The following ARHGAP11A variants were observed in gnomAD, a reference collection of about 807,000 sequenced individuals.
The protein encoded by ARHGAP11A is rho GTPase-activating protein 11A.
ARHGAP11A carries 36 observed loss-of-function variants against 60.5 expected under a neutral mutation model. The observed-to-expected ratio is 0.59, with a 90% confidence interval of 0.46 to 0.79. The LOEUF (loss-of-function observed/expected upper bound fraction) is 0.79, where lower values mean the gene tolerates loss of function less well. ARHGAP11A is among the 30% of genes least tolerant of loss of function. ARHGAP11A has a pLI of 0.00. For synonymous variants in ARHGAP11A, 362 were observed against 415.5 expected (o/e 0.87, Z 1.57); for missense variants, 1,071 against 1,199.2 (o/e 0.89, Z 1.58).
At position 32,625,488 on chromosome 15, in the gene ARHGAP11A, G is replaced by T. The variant is rs140094689; in HGVS notation, c.717G>T (p.Gly239=). 3 of 1,613,766 alleles carry T rather than the reference G, an allele frequency of 1.9e-6. No homozygotes were observed. In the African/African-American group the frequency reaches 4.0e-5, roughly 22 times the overall value. The change falls in exon 6 of 12, where the codon GGG becomes GGT. Residue 239 remains glycine (G), a splice_region_variant and synonymous_variant. Transcript: ENST00000361627. ...TTACTTGTGAACATTTTCATTTAGG[G>T]CGTGTACCAGATTTTATCCTGGAAA... The part of the protein sequence containing the change: ...QTLIDYASDI[G]RVPDFILEKI...
intron 1 of ARHGAP11A, among the ~76,000 whole-genome samples, chr15:32,618,617 C>G (rs970287158): frequency 6.6e-6 from 1 of 152,146 alleles, no homozygotes; most frequent in Non-Finnish European, 1.5e-5. Context: ...GGTCACTCAG[C>G]TGTTAAGCAA....
rs190810969 is a variant in ARHGAP11A at position 32,638,104 on chromosome 15, T to C, written c.*259T>C. On this transcript the variant is annotated 3_prime_UTR_variant, in exon 12 of 12. Transcript: ENST00000361627. ...CTTAAAGCAGAGGTTAGACTTTACC[T>C]TTCTGACTCTGTCGTCCAGGCTGGA... The C allele has an allele frequency of 5.4e-6, 2 of 367,200 alleles. No individual in the cohort carries two copies. Among genetic ancestry groups the C allele is most frequent in the African/African-American group, 4.2e-5 (2 of 47,352 alleles). 22.7% of individuals were successfully genotyped at this position (367,200 alleles called of 1,614,324 possible).
chr15:32,616,235 G>T lies in ARHGAP11A; in HGVS notation c.24G>T (p.Arg8Ser), dbSNP rs924317020. The T allele has an allele frequency of 5.0e-6, 8 of 1,614,074 alleles. No homozygotes were observed. The highest frequency in any genetic ancestry group is 6.8e-6 in the Non-Finnish European group (8 of 1,180,040). MWDQRLV[R>S]LALLQHLRAF... ...GAATGTGGGATCAGAGGCTGGTGAG[G>T]TTGGCCCTGTTGCAGCATCTGCGGG... The change falls in exon 1 of 12, where the codon AGG (arginine) becomes AGT (serine). Residue 8 changes from arginine to serine, a missense_variant. This residue lies in a region of ARHGAP11A where 28 missense variants were observed against 24.5 expected (regional missense o/e 1.14). Coordinates refer to ENST00000361627, the MANE Select transcript of ARHGAP11A (RefSeq NM_014783.6).
intron 6 of ARHGAP11A, among the ~76,000 whole-genome samples, chr15:32,625,915 T>C (rs535820431): frequency 4.1e-4 from 62 of 152,124 alleles, no homozygotes; most frequent in Non-Finnish European, 7.5e-4. Flanking sequence ...TCTTGAATAA[T>C]GGATAGAATT....
chr15:32,622,783 A>G (rs1167945163), intron 2 of ARHGAP11A, among the ~76,000 whole-genome samples: 4 of 152,060 alleles, frequency 2.6e-5, no homozygotes, highest in African/African-American at 4.8e-5. Context: ...TTTCTGAGGG[A>G]TAATGTTGGG....
chr15:32,636,162 A>G (rs2053708851), intron 11 of ARHGAP11A, 95 bp from the exon 12 acceptor site: 6 of 1,459,978 alleles, frequency 4.1e-6, no homozygotes, highest in Admixed American at 2.7e-5. Context: ...CTTTATTAGA[A>G]TTAAATGCTT....
intron 6 of ARHGAP11A, among the ~76,000 whole-genome samples, chr15:32,628,024 G>C (rs1445430825): frequency 6.6e-6 from 1 of 152,032 alleles, no homozygotes; most frequent in African/African-American, 2.4e-5. Context: ...TGGCCAGGCT[G>C]GTCTCTAACT....
At chr15:32,621,263 T>G (rs996692408) in intron 2 of ARHGAP11A, among the ~76,000 whole-genome samples, 28 of 136,408 alleles carry the variant, frequency 2.1e-4, no homozygotes, top group Non-Finnish European at 3.5e-4. Context: ...TGAGCTCGGC[T>G]CACCGCAACC....
rs1428295480 is a variant in ARHGAP11A, at chr15:32,636,868, C to A, written c.2095C>A (p.His699Asn). 1 of 1,612,382 alleles carries A rather than the reference C, an allele frequency of 6.2e-7. No individual in the cohort carries two copies. Among genetic ancestry groups the A allele is most frequent in the African/African-American group, 1.3e-5 (1 of 74,880 alleles). The change falls in exon 12 of 12, where the codon CAT (histidine) becomes AAT (asparagine). Residue 699 changes from histidine (H) to asparagine (N), a missense_variant. Transcript: ENST00000361627. ...KCYSTQMKME[H>N]EKDIHSNMPK... Reference sequence around the variant, plus strand: ...TTATTCAACTCAGATGAAGATGGAACATGAAAAAGACATTCATTCAAATAT... The same window carrying A: ...TTATTCAACTCAGATGAAGATGGAAAATGAAAAAGACATTCATTCAAATAT...
chr15:32,626,667 G>A (rs542052474), intron 6 of ARHGAP11A, among the ~76,000 whole-genome samples: 17 of 152,342 alleles, frequency 1.1e-4, no homozygotes, highest in African/African-American at 3.8e-4. Flanking sequence ...TTGTCTCACC[G>A]TTCTGGAGGC....
chr15:32,634,123 T>C (rs1356256172), intron 10 of ARHGAP11A, 82 bp downstream of exon 10: 1 of 853,806 alleles, frequency 1.2e-6, no homozygotes, highest in Non-Finnish European at 1.8e-6. Flanking sequence ...TAGCCCTACC[T>C]TCCTTCCAGT....
rs774456949 is a variant in ARHGAP11A, at chr15:32,632,992, A to T, written c.1119A>T (p.Thr373=). 18 of 1,613,098 alleles carry T rather than the reference A, an allele frequency of 1.1e-5. No individual in the cohort carries two copies. Among genetic ancestry groups the T allele is most frequent in the Non-Finnish European group, 1.4e-5 (16 of 1,179,480 alleles). The change falls in exon 9 of 12, where the codon ACA becomes ACT. Residue 373 remains threonine (T), a synonymous_variant. Transcript: ENST00000361627. ...SSTPVSVHID[T]SSEGSSQSSL... is the part of the protein sequence containing the mutation. ...TTATTTTTGTAGTTCACATCGATAC[A>T]AGCTCAGAAGGGTCATCTCAGAGTT...
chr15:32,632,875 T>A, intron 8 of ARHGAP11A, 104 bp from the exon 9 acceptor site: 1 of 1,075,726 alleles, frequency 9.3e-7, no homozygotes, highest in Non-Finnish European at 1.3e-6. Context: ...GGTTGTTGCT[T>A]GGGATAGAAA....
chr15:32,615,307 C>T (rs569534116), upstream of ARHGAP11A: 1 of 152,222 alleles, frequency 6.6e-6, no homozygotes, highest in African/African-American at 2.4e-5. Flanking sequence ...AAAAACTGGC[C>T]TTGAAGGAAC....
chr15:32,627,393 G>A (rs62001766), intron 6 of ARHGAP11A, among the ~76,000 whole-genome samples: 23,633 of 151,372 alleles, frequency 0.16, 2,447 homozygotes, highest in South Asian at 0.3. Flanking sequence ...TTTTCATGTC[G>A]TATAAGATTC....
chr15:32,634,764 C>A (rs1280517212), intron 10 of ARHGAP11A, among the ~76,000 whole-genome samples: 2 of 152,176 alleles, frequency 1.3e-5, no homozygotes, highest in African/African-American at 4.8e-5. Context: ...TCACTTAAGC[C>A]AAAAACCATG....
rs1377016041 is a variant in ARHGAP11A, at chr15:32,637,557, C to G, written c.2784C>G (p.Phe928Leu). 4 of 1,614,018 alleles carry G rather than the reference C, an allele frequency of 2.5e-6. No individual in the cohort carries two copies. The Admixed American group carries it at 6.7e-5, about 27-fold the overall frequency. The change falls in exon 12 of 12, where the codon TTC becomes TTG. Residue 928 changes from phenylalanine to leucine, a missense_variant. Phe to Leu is a conservative substitution (Grantham distance 22, BLOSUM62 0). Coordinates refer to ENST00000361627, the MANE Select transcript of ARHGAP11A (RefSeq NM_014783.6). The stretch of plus-strand genomic sequence containing the variant: ...GCATGGAGTTACCCTCGAAATCTTT[C>G]TTAAAGATGAGGAAGCACCCAGATT... ...KSSMELPSKS[F>L]LKMRKHPDSV...
rs1316384118 is a variant in ARHGAP11A at position 32,633,013 on chromosome 15, G to T, written c.1140G>T (p.Gln380His). The part of the protein sequence containing the change: ...HIDTSSEGSS[Q>H]SSLSPVLIGG... Reference sequence around the variant, plus strand: ...ATACAAGCTCAGAAGGGTCATCTCAGAGTTCACTCTCTCCTGTACTCATTG... The same window carrying T: ...ATACAAGCTCAGAAGGGTCATCTCATAGTTCACTCTCTCCTGTACTCATTG... Residue 380 changes from glutamine to histidine, a missense_variant, in exon 9 of 12, where the codon CAG becomes CAT. Transcript: ENST00000361627. The T allele has an allele frequency of 6.2e-7, 1 of 1,613,996 alleles. No individual in the cohort carries two copies. Among genetic ancestry groups the T allele is most frequent in the East Asian group, 2.2e-5 (1 of 44,868 alleles).
chr15:32,621,220 C>A (rs1409568996), intron 2 of ARHGAP11A, among the ~76,000 whole-genome samples: 3 of 101,510 alleles, frequency 3.0e-5, no homozygotes, highest in South Asian at 3.6e-4. Context: ...ACAAGAGTTT[C>A]ACTCTTGTCG....
Sources: gnomAD v4.1 joint callset for allele counts (sites outside exome capture counted in the v4.1 genomes callset) on GRCh38, gnomAD v4.1.1 for gene constraint, gnomAD v4.1.1 regional missense constraint, MANE v1.5 for transcripts, NCBI Gene and HGNC (gene_info 2026-07-23, HGNC 2026-07-21) for gene names.